CACNA2D4: variants seen among roughly 807,000 people sequenced by gnomAD.
CACNA2D4 encodes voltage-dependent calcium channel subunit alpha-2/delta-4.
In CACNA2D4, 157 loss-of-function variants were observed where a neutral mutation model predicts 163.8. That is an observed-to-expected ratio of 0.96 (90% CI 0.84 to 1.09). The LOEUF is 1.09. Ranked by LOEUF, CACNA2D4 falls within the 50% of genes least tolerant of loss-of-function variation. The probability of loss-of-function intolerance (pLI) is 0.00; values close to 1 mark genes in which losing one functional copy is unlikely to be tolerated. For missense variants in CACNA2D4, 1,410 were observed against 1,479.9 expected (o/e 0.95, Z 0.78); for synonymous variants, 598 against 586.9 (o/e 1.02, Z -0.27).
chr12:1,884,907 G>A, intron 10 of CACNA2D4, 26 bp from the exon 11 acceptor site: 1 of 1,606,152 alleles, frequency 6.2e-7, no homozygotes, highest in Non-Finnish European at 8.5e-7. Context: ...GAGTGCCCAT[G>A]ACCACAGGCC....
intron 26 of CACNA2D4, chr12:1,811,946 G>C: frequency 1.7e-6 from 1 of 582,404 alleles, no homozygotes; most frequent in Non-Finnish European, 3.0e-6. Flanking sequence ...ACTGGAAGAA[G>C]AGCGACAGAA....
chr12:1,828,630 C>T lies in CACNA2D4; in HGVS notation c.2551+12109G>A, dbSNP rs532699112. ...CCCTTTTGCTCCCGTGGGGAACTGC[C>T]CCCTTGGCTGGCCTCGGCCAGGAGC... On this transcript the variant is annotated intron_variant, in intron 26 of 37. Coordinates refer to ENST00000382722, the MANE Select transcript of CACNA2D4 (RefSeq NM_172364.5). The surrounding 1 kb of genome is among the most constrained non-coding windows in gnomAD (Gnocchi z 4.2). Among the ~76,000 whole-genome samples, 177 of 152,314 alleles carry T rather than the reference C, an allele frequency of 1.2e-3. 2 individuals carry two copies. The highest frequency in any genetic ancestry group is 6.8e-3 in the Middle Eastern group (2 of 294).
chr12:1,852,362 G>A (rs1865300986), intron 23 of CACNA2D4, among the ~76,000 whole-genome samples: 2 of 152,110 alleles, frequency 1.3e-5, no homozygotes, highest in African/African-American at 4.8e-5. Context: ...ATTCTACTGA[G>A]TGGCTTTAAT....
intron 18 of CACNA2D4, among the ~76,000 whole-genome samples, chr12:1,860,896 A>G (rs1039937590): frequency 3.9e-5 from 6 of 152,208 alleles, no homozygotes; most frequent in Non-Finnish European, 7.3e-5. Flanking sequence ...ACCAGGATTG[A>G]AGCCCAGCTC....
rs1466371342 is a variant in CACNA2D4, at chr12:1,875,330, T to A, written c.1727A>T (p.Glu576Val). 6.2e-7 allele frequency: 1 copy of A among 1,610,240 alleles called. No individual in the cohort carries two copies. The highest frequency in any genetic ancestry group is 8.5e-7 in the Non-Finnish European group (1 of 1,176,592). Residue 576 changes from glutamate to valine, a missense_variant, in exon 17 of 38, where the codon GAG becomes GTG. Physicochemically the swap from Glu to Val is moderately radical, Grantham distance 121. Coordinates refer to ENST00000382722, the MANE Select transcript of CACNA2D4 (RefSeq NM_172364.5). The surrounding 1 kb of genome is among the most constrained non-coding windows in gnomAD (Gnocchi z 4.0). The part of the protein sequence containing the change: ...SHPDLRPLYR[E>V]GKKLKPKPNY... ...AGGTTTGGGTTTTAGTTTCTTCCCCTCTCTGTACTGGAGTGGGCAGGTCAG... is the reference window on the plus strand; with the variant it reads ...AGGTTTGGGTTTTAGTTTCTTCCCCACTCTGTACTGGAGTGGGCAGGTCAG...
chr12:1,799,233 C>A lies in CACNA2D4; in HGVS notation c.2995+442G>T, dbSNP rs956962452. Among the ~76,000 whole-genome samples, 1 of 152,212 alleles carries A rather than the reference C, an allele frequency of 6.6e-6. No individual in the cohort carries two copies. Among genetic ancestry groups the A allele is most frequent in the Non-Finnish European group, 1.5e-5 (1 of 68,046 alleles). ...TGTTGGGGCCTCTCATGGTTGCTGC[C>A]TCTGGGGGACTCTGTCCTCAGACAC... On this transcript the variant is annotated intron_variant, in intron 34 of 37. Coordinates refer to ENST00000382722, the MANE Select transcript of CACNA2D4 (RefSeq NM_172364.5). The surrounding 1 kb of genome is among the most constrained non-coding windows in gnomAD (Gnocchi z 4.7).
intron 23 of CACNA2D4, 29 bp downstream of exon 23, chr12:1,853,922 G>A: frequency 1.9e-6 from 3 of 1,575,246 alleles, no homozygotes; most frequent in Non-Finnish European, 2.6e-6. Context: ...GGCTGGTTGG[G>A]GCCTGGGAAC....
intron 24 of CACNA2D4, among the ~76,000 whole-genome samples, chr12:1,845,488 G>A (rs1265509398): frequency 6.6e-6 from 1 of 152,330 alleles, no homozygotes; most frequent in Admixed American, 6.5e-5. Flanking sequence ...ATTTGTCACA[G>A]AGTCCTGGAA....
chr12:1,915,008 A>G, intron 1 of CACNA2D4, 73 bp from the exon 2 acceptor site: 1 of 1,103,494 alleles, frequency 9.1e-7, no homozygotes, highest in Non-Finnish European at 1.4e-6. Flanking sequence ...GCGTAGACAT[A>G]TGGGTTCACA....
chr12:1,809,345 A>C, intron 29 of CACNA2D4: 1 of 599,116 alleles, frequency 1.7e-6, no homozygotes. Flanking sequence ...GACACTGTGT[A>C]GTCCAGCCCC....
chr12:1,898,526 T>C (rs897579170), intron 6 of CACNA2D4, among the ~76,000 whole-genome samples: 2 of 152,080 alleles, frequency 1.3e-5, no homozygotes, highest in Non-Finnish European at 2.9e-5. Flanking sequence ...TGCCATGAGA[T>C]ACTACCTCAC....
chr12:1,894,027 G>C (rs1326397972), intron 6 of CACNA2D4, among the ~76,000 whole-genome samples: 1 of 152,022 alleles, frequency 6.6e-6, no homozygotes, highest in Non-Finnish European at 1.5e-5. Context: ...AACAAAGAGA[G>C]AGGACCCAAA....
chr12:1,800,966 G>T, intron 31 of CACNA2D4, 77 bp downstream of exon 31: 1 of 1,370,908 alleles, frequency 7.3e-7, no homozygotes, highest in Non-Finnish European at 1.0e-6. Context: ...TGAGAACAGG[G>T]ACCAGTGACC....
intron 13 of CACNA2D4, among the ~76,000 whole-genome samples, chr12:1,882,423 C>T (rs77113628): frequency 0.015 from 2,246 of 151,982 alleles, 66 homozygotes; most frequent in African/African-American, 0.051. Flanking sequence ...TTCATTCTTT[C>T]GTGCAAGTCA....
intron 6 of CACNA2D4, among the ~76,000 whole-genome samples, chr12:1,891,900 A>G (rs1409142069): frequency 6.6e-6 from 1 of 152,322 alleles, no homozygotes; most frequent in East Asian, 1.9e-4. Flanking sequence ...TAAAAAAAGA[A>G]TAAACAAAGC....
rs1257851414 is a variant in CACNA2D4 at position 1,798,109 on chromosome 12, G to A, written c.2996-574C>T. Among the ~76,000 whole-genome samples the A allele has an allele frequency of 6.6e-6, 1 of 152,216 alleles. No individual in the cohort carries two copies. Among genetic ancestry groups the A allele is most frequent in the African/African-American group, 2.4e-5 (1 of 41,462 alleles). On this transcript the variant is annotated intron_variant, in intron 34 of 37. Coordinates refer to ENST00000382722, the MANE Select transcript of CACNA2D4 (RefSeq NM_172364.5). This position sits in a 1 kb window ranked among gnomAD's most constrained non-coding sequence, Gnocchi z 4.3. ...GAAGCCCAGAAGCCACAGCCACCCG[G>A]TGCGGGACTCCTCGGGGGCTGCGCG...
chr12:1,884,940 C>T (rs376852738), intron 10 of CACNA2D4, 47 bp downstream of exon 10: 96 of 1,601,472 alleles, frequency 6.0e-5, no homozygotes, highest in Non-Finnish European at 7.4e-5. Flanking sequence ...CTCCACCTGC[C>T]GCCTTCCTCC....
At position 1,840,915 on chromosome 12, in the gene CACNA2D4, C is replaced by T. The variant is rs1865008613; in HGVS notation, c.2471-96G>A. 5 of 1,030,770 alleles carry T rather than the reference C, an allele frequency of 4.9e-6. No individual in the cohort carries two copies. The South Asian group carries it at 6.3e-5, about 13-fold the overall frequency. 63.9% of individuals were successfully genotyped at this position (1,030,770 alleles called of 1,614,324 possible). ...TTGGAATAGGAGATGGGAATAAAAG[C>T]AGGCGAAGGCATCCTTGGAAGAATT... On this transcript the variant is annotated intron_variant, in intron 25 of 37. Transcript: ENST00000382722.
At chr12:1,911,025 T>A (rs1866802442) in intron 3 of CACNA2D4, among the ~76,000 whole-genome samples, 1 of 147,498 alleles carries the variant, frequency 6.8e-6, no homozygotes, top group African/African-American at 2.6e-5. Flanking sequence ...AATACAATTT[T>A]TTTTTTTTTT....
Sources: allele counts gnomAD v4.1 joint callset (sites outside exome capture counted in the v4.1 genomes callset), GRCh38; gene constraint gnomAD v4.1.1; non-coding constraint Gnocchi (gnomAD v3.1); transcripts MANE v1.5; gene names NCBI Gene and HGNC (gene_info 2026-07-23, HGNC 2026-07-21).